The following PCDHA3 variants were observed in gnomAD, a reference collection of about 807,000 sequenced individuals.
PCDHA3 encodes protocadherin alpha-3.
PCDHA3 carries 41 observed loss-of-function variants against 62.2 expected under a neutral mutation model. That is an observed-to-expected ratio of 0.66 (90% confidence interval 0.51 to 0.86). The LOEUF is 0.86. Among genes scored for constraint, PCDHA3 ranks in the 40% least tolerant of loss-of-function variants. The pLI is 0.00. For missense variants in PCDHA3, 1,304 were observed against 1,241.2 expected (o/e 1.05, Z -0.76); for synonymous variants, 640 against 555.4 (o/e 1.15, Z -2.14).
intron 1 of PCDHA3, among the ~76,000 whole-genome samples, chr5:140,855,001 A>G (rs1315198457): frequency 1.3e-4 from 20 of 149,948 alleles, no homozygotes; most frequent in Admixed American, 1.2e-3. Context: ...CCCGTGTAAG[A>G]TATTATAAAA....
intron 3 of PCDHA3, among the ~76,000 whole-genome samples, chr5:141,000,999 A>G (rs1315543518): frequency 6.6e-6 from 1 of 152,234 alleles, no homozygotes; most frequent in Non-Finnish European, 1.5e-5. Context: ...TATGCTTTAA[A>G]TATGTATTTA....
intron 1 of PCDHA3, chr5:140,852,192 T>C: frequency 1.4e-6 from 1 of 716,718 alleles, no homozygotes; most frequent in Non-Finnish European, 1.8e-6. Context: ...AAAATGCCAG[T>C]AACGTTTATT....
intron 2 of PCDHA3, among the ~76,000 whole-genome samples, chr5:140,981,645 A>G (rs2096941816): frequency 6.6e-6 from 1 of 152,126 alleles, no homozygotes; most frequent in Admixed American, 6.6e-5. Context: ...TTCTCTTAGG[A>G]TCCCACTTAT....
At chr5:140,842,217 C>T (rs145025203) in intron 1 of PCDHA3, 1 of 1,613,264 alleles carries the variant, frequency 6.2e-7, no homozygotes, top group South Asian at 1.1e-5. Context: ...GATCGAAATA[C>T]GGGAGAAATA....
chr5:140,842,707 G>A, intron 1 of PCDHA3: 1 of 1,595,290 alleles, frequency 6.3e-7, no homozygotes, highest in Non-Finnish European at 8.6e-7. Context: ...AGTACACGGT[G>A]TTCGTGAAGG....
intron 1 of PCDHA3, chr5:140,869,653 A>G: frequency 6.2e-7 from 1 of 1,613,586 alleles, no homozygotes. Flanking sequence ...AGATTCACCA[A>G]CAAATGGTAA....
intron 1 of PCDHA3, among the ~76,000 whole-genome samples, chr5:140,907,345 G>A (rs568376480): frequency 3.3e-5 from 5 of 152,296 alleles, no homozygotes; most frequent in East Asian, 1.9e-4. Flanking sequence ...GCATGAGCCC[G>A]CTGCTGCACT....
At chr5:140,814,317 A>C (rs1554126480) in intron 1 of PCDHA3, 1 of 152,002 alleles carries the variant, frequency 6.6e-6, no homozygotes, top group Non-Finnish European at 1.5e-5. Context: ...TTCCACCTCC[A>C]TATCTTGTCC....
chr5:140,843,857 A>C, intron 1 of PCDHA3: 1 of 940,372 alleles, frequency 1.1e-6, no homozygotes, highest in Non-Finnish European at 1.6e-6. Context: ...TTTTATAATT[A>C]ATTGAATTTT....
At chr5:140,843,373 T>C (rs2150358583) in intron 1 of PCDHA3, 5 of 1,596,150 alleles carry the variant, frequency 3.1e-6, no homozygotes, top group Non-Finnish European at 2.6e-6. Flanking sequence ...GGCAGTCGGC[T>C]GGCGTTTTGG....
At chr5:140,808,520 G>T (rs1554124610) in intron 1 of PCDHA3, 1 of 1,614,070 alleles carries the variant, frequency 6.2e-7, no homozygotes, top group East Asian at 2.2e-5. Context: ...TTCTGTGGAG[G>T]TGGCTGATGT....
At chr5:140,811,329 G>C (rs1320139651) in intron 1 of PCDHA3, 2 of 152,082 alleles carry the variant, frequency 1.3e-5, no homozygotes, top group African/African-American at 4.8e-5. Flanking sequence ...CTCTACAAAG[G>C]ACATGAACTC....
At chr5:140,863,749 G>A (rs1346198553) in intron 1 of PCDHA3, 2 of 245,258 alleles carry the variant, frequency 8.2e-6, no homozygotes, top group African/African-American at 2.2e-5. Context: ...TTGTAATCCC[G>A]GCACTTTGGG....
intron 1 of PCDHA3, chr5:140,858,744 A>G: frequency 2.2e-6 from 1 of 461,862 alleles, no homozygotes; most frequent in South Asian, 3.0e-5. Flanking sequence ...TTTCATAATC[A>G]CTTTTCGTTA....
Position 141,009,759 on chromosome 5 carries a change from GATCTCCTGCAATCATCTCC to G in PCDHA3, c.2679_2697del (p.Pro894GlyfsTer15). 6.2e-7 allele frequency: 1 copy of G among 1,614,082 alleles called. No individual in the cohort carries two copies. The highest frequency in any genetic ancestry group is 8.5e-7 in the Non-Finnish European group (1 of 1,180,014). On this transcript the variant is annotated frameshift_variant, in exon 4 of 4. Transcript: ENST00000522353. LOFTEE classifies it high-confidence loss of function. Reference sequence around the variant, plus strand: ...TTGCCCGACAAATTCATTATCCCAGGATCTCCTGCAATCATCTCCATCCGGCAGGAGCCTACTAACAGCC... The same window carrying G: ...TTGCCCGACAAATTCATTATCCCAGGATCCGGCAGGAGCCTACTAACAGCC...
chr5:140,870,718 G>C (rs2052330987), intron 1 of PCDHA3: 2 of 1,613,062 alleles, frequency 1.2e-6, no homozygotes. Context: ...CGCGCGCGAT[G>C]CGGGCGTGCC....
intron 3 of PCDHA3, among the ~76,000 whole-genome samples, chr5:141,004,088 T>G (rs797038928): frequency 3.4e-4 from 52 of 152,346 alleles, no homozygotes; most frequent in African/African-American, 1.2e-3. Flanking sequence ...GAAATGTGCT[T>G]CTTCCGTTTT....
intron 1 of PCDHA3, among the ~76,000 whole-genome samples, chr5:140,945,224 T>C (rs1563213002): frequency 6.6e-6 from 1 of 152,016 alleles, no homozygotes; most frequent in Non-Finnish European, 1.5e-5. Context: ...ATAAAAATAC[T>C]TAGGAATAAA....
At chr5:140,822,930 C>G (rs2150120481) in intron 1 of PCDHA3, 11 of 1,614,266 alleles carry the variant, frequency 6.8e-6, no homozygotes, top group Non-Finnish European at 8.5e-6. Flanking sequence ...GGCAGGTGAC[C>G]TGCTCCCTAA....
Sources: gnomAD v4.1 joint callset for allele counts (sites outside exome capture counted in the v4.1 genomes callset) on GRCh38, gnomAD v4.1.1 for gene constraint, MANE v1.5 for transcripts, NCBI Gene and HGNC (gene_info 2026-07-23, HGNC 2026-07-21) for gene names.